The following ZNF385D variants were observed in gnomAD, a reference collection of about 807,000 sequenced individuals.
ZNF385D encodes the protein zinc finger protein 659.
Under a neutral mutation model 35.8 loss-of-function variants are expected in ZNF385D, and 15 were observed. The ratio of observed to expected loss-of-function variants is 0.42; its 90% CI spans 0.28 to 0.64. ZNF385D has a LOEUF of 0.64. Ranked by LOEUF, ZNF385D falls within the 30% of genes least tolerant of loss-of-function variation. ZNF385D has a pLI of 0.23. For missense variants in ZNF385D, 474 were observed against 494.6 expected (o/e 0.96, Z 0.39); for synonymous variants, 212 against 186.8 (o/e 1.13, Z -1.10).
chr3:22,120,760 G>A (rs1337151746), intron 3 of ZNF385D, among the ~76,000 whole-genome samples: 1 of 152,148 alleles, frequency 6.6e-6, no homozygotes, highest in Non-Finnish European at 1.5e-5. Context: ...CTATGAGGCA[G>A]TTCTTGAGAA....
intron 3 of ZNF385D, among the ~76,000 whole-genome samples, chr3:22,004,304 A>T (rs1294371613): frequency 6.6e-6 from 1 of 152,220 alleles, no homozygotes; most frequent in African/African-American, 2.4e-5. Flanking sequence ...AAATACTTAA[A>T]TATAAGACTC....
intron 2 of ZNF385D, among the ~76,000 whole-genome samples, chr3:21,635,274 A>C (rs1416461138): frequency 6.6e-6 from 1 of 152,158 alleles, no homozygotes; most frequent in African/African-American, 2.4e-5. Context: ...ACAAAACAAA[A>C]TGTATAAATA....
chr3:21,592,311 C>T (rs2063998463), intron 2 of ZNF385D, among the ~76,000 whole-genome samples: 1 of 151,990 alleles, frequency 6.6e-6, no homozygotes, highest in Non-Finnish European at 1.5e-5. Context: ...TACTGTTCTT[C>T]AGTATTCCAT....
chr3:21,609,615 G>A (rs2064606286), intron 2 of ZNF385D, among the ~76,000 whole-genome samples: 3 of 152,188 alleles, frequency 2.0e-5, no homozygotes, highest in Non-Finnish European at 4.4e-5. Context: ...GTAGGCTCGT[G>A]AATTATGCTG....
intron 3 of ZNF385D, among the ~76,000 whole-genome samples, chr3:21,984,437 G>T (rs202015779): frequency 0.03 from 3,898 of 129,936 alleles, 189 homozygotes; most frequent in East Asian, 0.12. Flanking sequence ...TTTCCCCATT[G>T]CTTGTTTTTC....
At chr3:21,611,057 C>A (rs2064661499) in intron 2 of ZNF385D, among the ~76,000 whole-genome samples, 1 of 152,184 alleles carries the variant, frequency 6.6e-6, no homozygotes, top group Admixed American at 6.5e-5. Context: ...CTTACTTCTT[C>A]AAAGTCAGCA....
chr3:21,939,847 C>G (rs917720393), intron 3 of ZNF385D, among the ~76,000 whole-genome samples: 7 of 152,076 alleles, frequency 4.6e-5, no homozygotes, highest in Non-Finnish European at 1.0e-4. Context: ...TGTGAGAGAT[C>G]TATATAAGTA....
chr3:22,224,031 A>G (rs987255985), intron 2 of ZNF385D, among the ~76,000 whole-genome samples: 1 of 152,152 alleles, frequency 6.6e-6, no homozygotes, highest in East Asian at 1.9e-4. Context: ...ATAATACATT[A>G]CAGTATGAAA....
intron 2 of ZNF385D, among the ~76,000 whole-genome samples, chr3:21,626,316 C>T (rs1393898391): frequency 6.6e-6 from 1 of 152,010 alleles, no homozygotes; most frequent in Admixed American, 6.6e-5. Flanking sequence ...TGCTACTGTG[C>T]CAGAAACTAT....
chr3:21,706,660 A>G (rs2067910068), intron 1 of ZNF385D, among the ~76,000 whole-genome samples: 1 of 152,190 alleles, frequency 6.6e-6, no homozygotes, highest in South Asian at 2.1e-4. Context: ...TCTTAGGTAG[A>G]AAAGAGTCAG....
chr3:21,807,957 A>G (rs2125700097), intron 3 of ZNF385D, among the ~76,000 whole-genome samples: 1 of 152,320 alleles, frequency 6.6e-6, no homozygotes, highest in East Asian at 1.9e-4. Context: ...TTGTCTCAAT[A>G]ATTCAGATTT....
rs185848973 is a variant in ZNF385D at position 21,914,861 on chromosome 3, G to A, written c.326-249833C>T. On this transcript the variant is annotated intron_variant, in intron 3 of 5. Coordinates refer to the ZNF385D transcript ENST00000494108. ...TCATTTCAAATCCAACAATGTTGTG[G>A]TAAATTACTTTGATGTTTAGCCAAG... Among the ~76,000 whole-genome samples the A allele has an allele frequency of 1.5e-3, 223 of 151,504 alleles. 2 individuals carry two copies. Among genetic ancestry groups the A allele is most frequent in the African/African-American group, 4.8e-3 (200 of 41,328 alleles).
At chr3:21,880,204 C>T (rs1010193205) in intron 3 of ZNF385D, among the ~76,000 whole-genome samples, 5 of 151,826 alleles carry the variant, frequency 3.3e-5, no homozygotes, top group Admixed American at 1.3e-4. Context: ...TAGGATCAGC[C>T]TCACTTATGA....
intron 3 of ZNF385D, among the ~76,000 whole-genome samples, chr3:22,117,137 C>T (rs1279171475): frequency 6.6e-6 from 1 of 151,930 alleles, no homozygotes; most frequent in Non-Finnish European, 1.5e-5. Context: ...GTCATGGTAT[C>T]TAAAACATAC....
intron 1 of ZNF385D, among the ~76,000 whole-genome samples, chr3:21,714,502 T>A (rs1238214591): frequency 6.6e-6 from 1 of 152,178 alleles, no homozygotes; most frequent in Non-Finnish European, 1.5e-5. Context: ...CCACTTTTTA[T>A]GGATGAACAA....
chr3:22,000,739 T>C (rs1317147106), intron 3 of ZNF385D, among the ~76,000 whole-genome samples: 1 of 144,392 alleles, frequency 6.9e-6, no homozygotes, highest in African/African-American at 2.7e-5. Context: ...GAGAATGGGA[T>C]AATAAATTCA....
chr3:22,018,435 T>G (rs1697019441), intron 3 of ZNF385D, among the ~76,000 whole-genome samples: 1 of 151,976 alleles, frequency 6.6e-6, no homozygotes, highest in Admixed American at 6.6e-5. Context: ...ACATGTACCT[T>G]CAAAGATATT....
chr3:21,968,362 G>C (rs760092233), intron 3 of ZNF385D, among the ~76,000 whole-genome samples: 1 of 152,090 alleles, frequency 6.6e-6, no homozygotes, highest in Non-Finnish European at 1.5e-5. Flanking sequence ...TCCCAGGCAA[G>C]TCCAGGTGCT....
chr3:21,916,723 A>C (rs1333301168), intron 3 of ZNF385D, among the ~76,000 whole-genome samples: 1 of 152,206 alleles, frequency 6.6e-6, no homozygotes, highest in Non-Finnish European at 1.5e-5. Flanking sequence ...GTCTGCCACA[A>C]TTTACCCATT....
Sources: allele counts gnomAD v4.1 joint callset (sites outside exome capture counted in the v4.1 genomes callset), GRCh38; gene constraint gnomAD v4.1.1; transcripts MANE v1.5; gene names NCBI Gene and HGNC (gene_info 2026-07-23, HGNC 2026-07-21).